Variants in ZHX2 observed in about 807,000 individuals in gnomAD.
The protein encoded by ZHX2 is zinc fingers and homeoboxes 2, also known as zinc fingers and homeoboxes protein 2.
Under a neutral mutation model 21.9 loss-of-function variants are expected in ZHX2, and 6 were observed. The observed-to-expected ratio is 0.27, with a 90% CI of 0.15 to 0.54. The LOEUF is 0.54. ZHX2 is among the 20% of genes least tolerant of loss of function. ZHX2 has a pLI of 0.95. For synonymous variants in ZHX2, 434 were observed against 437.1 expected, an observed-to-expected ratio of 0.99 and a Z score of 0.09; for missense variants, 908 against 1,090.7, an observed-to-expected ratio of 0.83 and a Z score of 2.36.
chr8:122,790,296 C>A (rs915162762), intron 1 of ZHX2, among the ~76,000 whole-genome samples: 1 of 152,148 alleles, frequency 6.6e-6, no homozygotes, highest in Non-Finnish European at 1.5e-5. Context: ...GTCCTATGGC[C>A]ATGTATTATT....
chr8:122,908,568 A>G (rs1820400619), intron 2 of ZHX2, among the ~76,000 whole-genome samples: 1 of 152,064 alleles, frequency 6.6e-6, no homozygotes, highest in African/African-American at 2.4e-5. Context: ...GCTTAACCTC[A>G]TCCGAGCCTA....
At chr8:122,894,419 C>T (rs147921278) in intron 2 of ZHX2, among the ~76,000 whole-genome samples, 35 of 152,330 alleles carry the variant, frequency 2.3e-4, no homozygotes, top group Admixed American at 8.5e-4. Context: ...GGCAGCCATT[C>T]ATCCTCTCTT....
At chr8:122,810,389 A>G (rs1029384349) in intron 1 of ZHX2, 5 of 152,246 alleles carry the variant, frequency 3.3e-5, no homozygotes, top group Non-Finnish European at 7.3e-5. Context: ...AGTGGTCACT[A>G]TCATTTCACT....
intron 2 of ZHX2, among the ~76,000 whole-genome samples, chr8:122,891,272 GTGTGTGT>G (rs1819972306): frequency 4.8e-4 from 1 of 2,090 alleles, no homozygotes; most frequent in Admixed American, 4.6e-3. Context: ...TTGGTAGATT[GTGTGTGT>G]GTGTGTGTGT....
intron 1 of ZHX2, among the ~76,000 whole-genome samples, chr8:122,800,724 A>G (rs1311174451): frequency 1.3e-5 from 2 of 152,222 alleles, no homozygotes; most frequent in African/African-American, 4.8e-5. Flanking sequence ...AGCTGTGGTC[A>G]CTGAAAAGCC....
chr8:122,922,874 A>C (rs1820771497), intron 2 of ZHX2, among the ~76,000 whole-genome samples: 1 of 152,226 alleles, frequency 6.6e-6, no homozygotes, highest in African/African-American at 2.4e-5. Context: ...TGTTAGTAAT[A>C]TTGTGTAATA....
chr8:122,926,419 A>G (rs1050247088), intron 2 of ZHX2, among the ~76,000 whole-genome samples: 1 of 152,110 alleles, frequency 6.6e-6, no homozygotes, highest in African/African-American at 2.4e-5. Flanking sequence ...GAGTATAGGG[A>G]TTGTAATACT....
chr8:122,804,401 G>A (rs1337119313), intron 1 of ZHX2, among the ~76,000 whole-genome samples: 4 of 152,146 alleles, frequency 2.6e-5, no homozygotes, highest in Non-Finnish European at 4.4e-5. Flanking sequence ...AAGCCACCAC[G>A]CCCGGCCCCA....
chr8:122,787,609 T>C (rs1817422467), intron 1 of ZHX2, among the ~76,000 whole-genome samples: 1 of 152,268 alleles, frequency 6.6e-6, no homozygotes, highest in Admixed American at 6.5e-5. Flanking sequence ...GGTCAGGGAA[T>C]AGATTCATGG....
chr8:122,848,490 CA>C (rs1818806172), intron 1 of ZHX2, among the ~76,000 whole-genome samples: 2 of 152,082 alleles, frequency 1.3e-5, no homozygotes, highest in African/African-American at 4.8e-5. Context: ...CTCAGCCCCC[CA>C]CCACTCCCCA....
intron 2 of ZHX2, among the ~76,000 whole-genome samples, chr8:122,910,911 G>A (rs764927810): frequency 2.2e-4 from 33 of 152,176 alleles, no homozygotes; most frequent in Non-Finnish European, 3.8e-4. Context: ...TGACCACAAA[G>A]CATTAAACCC....
chr8:122,858,645 T>C (rs1156649321), intron 1 of ZHX2, among the ~76,000 whole-genome samples: 1 of 146,168 alleles, frequency 6.8e-6, no homozygotes, highest in Admixed American at 6.8e-5. Context: ...TTTCTTTTTT[T>C]TTTTTTTTTT....
chr8:122,943,991 C>G (rs1248046614), intron 2 of ZHX2, among the ~76,000 whole-genome samples: 1 of 152,214 alleles, frequency 6.6e-6, no homozygotes, highest in African/African-American at 2.4e-5. Context: ...CCCTTACCCC[C>G]AGTCCTTGTC....
intron 1 of ZHX2, among the ~76,000 whole-genome samples, chr8:122,858,125 T>C (rs1188099630): frequency 1.3e-5 from 2 of 152,216 alleles, no homozygotes; most frequent in Non-Finnish European, 2.9e-5. Flanking sequence ...TCCACCTTTT[T>C]TGAGCTTGAC....
chr8:122,888,247 T>G (rs1041297971), intron 2 of ZHX2, among the ~76,000 whole-genome samples: 1 of 152,064 alleles, frequency 6.6e-6, no homozygotes, highest in African/African-American at 2.4e-5. Context: ...CCTTGATTTT[T>G]TTTTTTGTTT....
intron 3 of ZHX2, among the ~76,000 whole-genome samples, chr8:122,955,714 T>C (rs1813281826): frequency 6.6e-6 from 1 of 151,912 alleles, no homozygotes; most frequent in Non-Finnish European, 1.5e-5. Context: ...AGGAAGGGGA[T>C]AGAAGTGTAC....
At chr8:122,785,186 G>A (rs1377648319) in intron 1 of ZHX2, among the ~76,000 whole-genome samples, 3 of 152,252 alleles carry the variant, frequency 2.0e-5, no homozygotes, top group Admixed American at 2.0e-4. Context: ...ACTGCCCCAT[G>A]AATGAAGAGG....
At chr8:122,883,952 C>T (rs2129807473) in intron 2 of ZHX2, among the ~76,000 whole-genome samples, 1 of 152,296 alleles carries the variant, frequency 6.6e-6, no homozygotes, top group Non-Finnish European at 1.5e-5. Flanking sequence ...GGAATACGCT[C>T]TAAGAAATGC....
At chr8:122,853,960 C>T (rs1818967382) in intron 1 of ZHX2, among the ~76,000 whole-genome samples, 1 of 152,182 alleles carries the variant, frequency 6.6e-6, no homozygotes, top group South Asian at 2.1e-4. Flanking sequence ...GTCTTTGTGG[C>T]ATGGATTTGA....
Sources: gnomAD v4.1 joint callset for allele counts (sites outside exome capture counted in the v4.1 genomes callset) on GRCh38, gnomAD v4.1.1 for gene constraint, MANE v1.5 for transcripts, NCBI Gene and HGNC (gene_info 2026-07-23, HGNC 2026-07-21) for gene names.